The following ACSS3 variants were observed in gnomAD, a reference collection of about 807,000 sequenced individuals.
The protein encoded by ACSS3 is acyl-CoA synthetase short chain family member 3.
Under a neutral mutation model 84.2 loss-of-function variants are expected in ACSS3, and 64 were observed. That is an observed-to-expected ratio of 0.76 (90% CI 0.62 to 0.94). ACSS3 has a LOEUF of 0.94. Ranked by LOEUF, ACSS3 falls within the 40% of genes least tolerant of loss-of-function variation. The pLI is 0.00. For missense variants in ACSS3, 815 were observed against 867.6 expected, an observed-to-expected ratio of 0.94 and a Z score of 0.76; for synonymous variants, 317 against 310.1, an observed-to-expected ratio of 1.02 and a Z score of -0.23.
intron 1 of ACSS3, among the ~76,000 whole-genome samples, chr12:81,103,864 A>G (rs1054552516): frequency 7.2e-5 from 11 of 152,218 alleles, no homozygotes; most frequent in Non-Finnish European, 1.3e-4. Flanking sequence ...TGGTTCTGTA[A>G]TCAGACTTTC....
rs2034345742 is a variant in ACSS3, at chr12:81,257,505, C to T, written c.*2583C>T. On this transcript the variant is annotated 3_prime_UTR_variant, in exon 16 of 16. Transcript: ENST00000548058. The stretch of plus-strand genomic sequence containing the variant: ...CTTGCTAGAATAAATTCTGTGAGGT[C>T]TTCGTTTGGTATTTTCATAGGATTT... The T allele has an allele frequency of 6.6e-6, 1 of 151,930 alleles. No individual in the cohort carries two copies. The highest frequency in any genetic ancestry group is 1.5e-5 in the Non-Finnish European group (1 of 67,984). 9.4% of individuals were successfully genotyped at this position (151,930 alleles called of 1,614,324 possible).
At position 81,260,307 on chromosome 12, in the gene ACSS3, A is replaced by G. The variant is rs2034974441; in HGVS notation, c.*5385A>G. Reference sequence around the variant, plus strand: ...AATACTGTTATCCCAATTAATGGTAAAAACTAGGAAATATGAACTAGAATG... The same window carrying G: ...AATACTGTTATCCCAATTAATGGTAGAAACTAGGAAATATGAACTAGAATG... On this transcript the variant is annotated 3_prime_UTR_variant, in exon 16 of 16. Coordinates refer to ENST00000548058, the MANE Select transcript of ACSS3 (RefSeq NM_024560.4). 2 of 152,194 alleles carry G rather than the reference A, an allele frequency of 1.3e-5. No individual in the cohort carries two copies. Among genetic ancestry groups the G allele is most frequent in the Non-Finnish European group, 2.9e-5 (2 of 68,032 alleles). 9.4% of individuals were successfully genotyped at this position (152,194 alleles called of 1,614,324 possible).
intron 9 of ACSS3, among the ~76,000 whole-genome samples, chr12:81,214,615 GCTTA>G (rs1205326826): frequency 6.6e-6 from 1 of 152,174 alleles, no homozygotes; most frequent in Admixed American, 6.5e-5. Context: ...TCGTATATCA[GCTTA>G]CTTAGGCAGT....
chr12:81,093,986 C>A (rs1038313195), intron 1 of ACSS3, among the ~76,000 whole-genome samples: 1 of 151,518 alleles, frequency 6.6e-6, no homozygotes, highest in African/African-American at 2.4e-5. Context: ...TTCCATTTTT[C>A]TAATTCATTA....
rs145219174 is a variant in ACSS3 at position 81,198,453 on chromosome 12, A to G, written c.1251-888A>G. 5.4e-3 allele frequency among the ~76,000 whole-genome samples: 815 copies of G among 152,224 alleles called. 8 individuals are homozygous for G. Among genetic ancestry groups the G allele is most frequent in the African/African-American group, 0.016 (646 of 41,528 alleles). On this transcript the variant is annotated intron_variant, in intron 8 of 15. Transcript: ENST00000548058. ...AATTAAGCGAATAGTAAAATATACT[A>G]CGTTGTTCAGGATCAGTAGACAGGT...
At chr12:81,174,131 A>G (rs2030294773) in intron 7 of ACSS3, among the ~76,000 whole-genome samples, 1 of 152,146 alleles carries the variant, frequency 6.6e-6, no homozygotes, top group African/African-American at 2.4e-5. Flanking sequence ...CCTATTTTCC[A>G]CTTTTCAGAA....
intron 1 of ACSS3, among the ~76,000 whole-genome samples, chr12:81,104,467 A>T (rs1268293591): frequency 6.6e-6 from 1 of 152,106 alleles, no homozygotes; most frequent in Non-Finnish European, 1.5e-5. Flanking sequence ...GCTCTTGCCA[A>T]GGTGTAGCAA....
chr12:81,078,576 A>G, intron 1 of ACSS3, 145 bp downstream of exon 1: 1 of 905,180 alleles, frequency 1.1e-6, no homozygotes, highest in Non-Finnish European at 1.7e-6. Context: ...TTCGTGTTTC[A>G]TTTCAATTTC....
In ACSS3 at chr12:81,253,542, G is replaced by T; in HGVS notation, c.1867G>T (p.Val623Phe). 1 of 1,613,938 alleles carries T rather than the reference G, an allele frequency of 6.2e-7. No individual in the cohort carries two copies. The highest frequency in any genetic ancestry group is 2.2e-5 in the East Asian group (1 of 44,860). Residue 623 changes from valine (V) to phenylalanine (F), a missense_variant, in exon 15 of 16, where the codon GTT becomes TTT. Val to Phe is a conservative substitution (Grantham distance 50). Transcript: ENST00000548058. ...AGTTTTGGAAGAAATTGTGAAACAC[G>T]TTAGACAGAACATTGGCCCTGTGGC... ...EQVLEEIVKH[V>F]RQNIGPVAAF...
At chr12:81,116,203 G>C (rs949665148) in intron 2 of ACSS3, among the ~76,000 whole-genome samples, 1 of 151,892 alleles carries the variant, frequency 6.6e-6, no homozygotes, top group African/African-American at 2.4e-5. Flanking sequence ...ATTGTAACTG[G>C]AACTTTGGTT....
At chr12:81,087,390 GGAGCAGGAGAAGAAGAA>G (rs919862602) in intron 1 of ACSS3, among the ~76,000 whole-genome samples, 1 of 151,564 alleles carries the variant, frequency 6.6e-6, no homozygotes, top group African/African-American at 2.4e-5. Context: ...TGAAGAAGAA[GGAGCAGGAGAAGAAGAA>G]GAGCAGGAGG....
At chr12:81,209,388 TAA>T (rs5799519) in intron 9 of ACSS3, among the ~76,000 whole-genome samples, 21,418 of 145,734 alleles carry the variant, frequency 0.15, 1,614 homozygotes, top group East Asian at 0.26. Context: ...TATTGCTATG[TAA>T]AAAAAAAAAA....
At chr12:81,204,286 C>A (rs2032243772) in intron 9 of ACSS3, among the ~76,000 whole-genome samples, 1 of 76,984 alleles carries the variant, frequency 1.3e-5, no homozygotes, top group South Asian at 3.6e-4. Context: ...CCTTCCTCCT[C>A]TTCTTCCTTC....
At chr12:81,134,141 GT>G (rs1885667311) in intron 2 of ACSS3, among the ~76,000 whole-genome samples, 1 of 151,612 alleles carries the variant, frequency 6.6e-6, no homozygotes, top group African/African-American at 2.4e-5. Flanking sequence ...AATAATTAGT[GT>G]AAAAAAAAAC....
At chr12:81,173,299 T>G (rs1457106824) in intron 7 of ACSS3, among the ~76,000 whole-genome samples, 1 of 152,186 alleles carries the variant, frequency 6.6e-6, no homozygotes, top group Non-Finnish European at 1.5e-5. Flanking sequence ...TTTGCATGTG[T>G]TGATTTGTAT....
At chr12:81,142,890 G>T (rs184973559) in intron 4 of ACSS3, among the ~76,000 whole-genome samples, 5 of 151,960 alleles carry the variant, frequency 3.3e-5, no homozygotes, top group Non-Finnish European at 5.9e-5. Context: ...ATGCTTTTTT[G>T]TCAGTTTAGT....
intron 1 of ACSS3, among the ~76,000 whole-genome samples, chr12:81,090,032 A>C (rs1455564696): frequency 6.6e-6 from 1 of 151,974 alleles, no homozygotes; most frequent in Non-Finnish European, 1.5e-5. Context: ...CTAGAGAGTG[A>C]AAAAGCATGA....
Position 81,216,990 on chromosome 12 carries a change from T to TAC in ACSS3, c.1446_1447dup (p.Asn483ThrfsTer4). On this transcript the variant is annotated frameshift_variant, in exon 10 of 16. Coordinates refer to ENST00000548058, the MANE Select transcript of ACSS3 (RefSeq NM_024560.4). LOFTEE classifies it high-confidence loss of function. Reference sequence around the variant, plus strand: ...GCAAGCAGGAAAAAGCGTCCCAGGATACAATGGTAAGGAATGACCCTGATA... The same window carrying TAC: ...GCAAGCAGGAAAAAGCGTCCCAGGATACACAATGGTAAGGAATGACCCTGATA... 1 of 1,608,498 alleles carries TAC rather than the reference T, an allele frequency of 6.2e-7. No homozygotes were observed. Among genetic ancestry groups the TAC allele is most frequent in the South Asian group, 1.1e-5 (1 of 90,980 alleles).
chr12:81,124,873 G>A (rs571298911), intron 2 of ACSS3, among the ~76,000 whole-genome samples: 3 of 152,210 alleles, frequency 2.0e-5, no homozygotes, highest in African/African-American at 7.2e-5. Context: ...CTCTTGTTCT[G>A]TTAATCTATC....
Sources: allele counts gnomAD v4.1 joint callset (sites outside exome capture counted in the v4.1 genomes callset), GRCh38; gene constraint gnomAD v4.1.1; transcripts MANE v1.5; gene names NCBI Gene and HGNC (gene_info 2026-07-23, HGNC 2026-07-21).